The following TMEM230 variants were observed in gnomAD, a reference collection of about 807,000 sequenced individuals.
TMEM230 encodes the protein UPF0414 transmembrane protein C20orf30.
Under a neutral mutation model 15.8 loss-of-function variants are expected in TMEM230, and 10 were observed. The observed-to-expected ratio is 0.63, with a 90% confidence interval of 0.39 to 1.07. The LOEUF (loss-of-function observed/expected upper bound fraction) is 1.07, where lower values mean the gene tolerates loss of function less well. Among genes scored for constraint, TMEM230 ranks in the 50% least tolerant of loss-of-function variants. The pLI is 0.01. For missense variants in TMEM230, 165 were observed against 193.3 expected (o/e 0.85, Z 0.87); for synonymous variants, 67 against 76.9 (o/e 0.87, Z 0.68).
intron 4 of TMEM230, among the ~76,000 whole-genome samples, chr20:5,103,812 G>GT (rs2089967422): frequency 2.0e-5 from 3 of 152,220 alleles, no homozygotes; most frequent in Admixed American, 6.5e-5. Context: ...ACACTTAAAT[G>GT]TAAGACCTAA....
chr20:5,069,018 G>T, exon 4 of TMEM230: 1 of 622,064 alleles, frequency 1.6e-6, no homozygotes, highest in Non-Finnish European at 2.7e-6. Context: ...GAATTCCTTT[G>T]GCCTGCTCCT....
At chr20:5,080,628 G>A (rs1012077461) in intron 3 of TMEM230, among the ~76,000 whole-genome samples, 2 of 151,674 alleles carry the variant, frequency 1.3e-5, no homozygotes, top group South Asian at 2.1e-4. Context: ...GTGCAGTGGC[G>A]CAATCTCGGC....
At chr20:5,077,250 G>C (rs2089033942) in intron 3 of TMEM230, among the ~76,000 whole-genome samples, 1 of 152,028 alleles carries the variant, frequency 6.6e-6, no homozygotes, top group Non-Finnish European at 1.5e-5. Context: ...AGAGGCTGCA[G>C]TGAGCTGAGA....
At chr20:5,076,859 G>C (rs2089018741) in intron 3 of TMEM230, among the ~76,000 whole-genome samples, 1 of 151,212 alleles carries the variant, frequency 6.6e-6, no homozygotes, top group African/African-American at 2.4e-5. Flanking sequence ...TGTATTTTTA[G>C]TACAGACGGG....
At chr20:5,060,010 A>G in the TMEM230 span, among the ~76,000 whole-genome samples, 2 of 152,028 alleles carry the variant, frequency 1.3e-5, no homozygotes, top group Non-Finnish European at 2.9e-5. Context: ...GACCTGAGGT[A>G]ATCCACCCGC....
intron 3 of TMEM230, among the ~76,000 whole-genome samples, chr20:5,084,260 C>G (rs6084991): frequency 0.55 from 81,339 of 148,678 alleles, 22,693 homozygotes; most frequent in East Asian, 0.84. Flanking sequence ...GTCTTGCTCT[C>G]TCACCCAGGC....
chr20:5,061,706 A>C, the TMEM230 span, among the ~76,000 whole-genome samples: 1 of 152,184 alleles, frequency 6.6e-6, no homozygotes. Flanking sequence ...TGGATTGGGG[A>C]ATCATGATAC....
Position 5,070,157 on chromosome 20 carries a change from C to T in TMEM230, c.223-808G>A, listed in dbSNP as rs530179674. ...GCTCTCGAGACACTCCTTCTCAGACCCCAGCCCCCATGCTAAGTGGACTCC... is the reference window on the plus strand; with the variant it reads ...GCTCTCGAGACACTCCTTCTCAGACTCCAGCCCCCATGCTAAGTGGACTCC... On this transcript the variant is annotated intron_variant, in intron 3 of 3. Coordinates refer to the TMEM230 transcript ENST00000612323. Among the ~76,000 whole-genome samples, 7 of 152,174 alleles carry T rather than the reference C, an allele frequency of 4.6e-5. No individual in the cohort carries two copies. The East Asian group carries it at 1.3e-3, about 29-fold the overall frequency.
intron 4 of TMEM230, 90 bp from the exon 4 acceptor site, chr20:5,101,021 T>A (rs2089838187): frequency 6.8e-7 from 1 of 1,468,364 alleles, no homozygotes; most frequent in Non-Finnish European, 9.1e-7. Flanking sequence ...AGATCAGTAT[T>A]TTATACTCTT....
At chr20:5,107,130 C>T (rs1398727920) in intron 3 of TMEM230, among the ~76,000 whole-genome samples, 1 of 152,082 alleles carries the variant, frequency 6.6e-6, no homozygotes, top group Admixed American at 6.5e-5. Context: ...GGTGAAACCT[C>T]GTCTCTACAA....
intron 3 of TMEM230, among the ~76,000 whole-genome samples, chr20:5,077,202 G>A (rs1360341316): frequency 6.6e-6 from 1 of 152,032 alleles, no homozygotes; most frequent in Non-Finnish European, 1.5e-5. Flanking sequence ...AGCTACTCGG[G>A]AAACTGAGGT....
intron 3 of TMEM230, among the ~76,000 whole-genome samples, chr20:5,086,123 G>A (rs994416069): frequency 3.9e-5 from 6 of 152,026 alleles, no homozygotes; most frequent in African/African-American, 1.4e-4. Flanking sequence ...AGCTGGGTGC[G>A]GTGGCTCGTG....
chr20:5,107,159 G>A (rs995566947), intron 3 of TMEM230, among the ~76,000 whole-genome samples: 3 of 152,160 alleles, frequency 2.0e-5, no homozygotes, highest in East Asian at 1.9e-4. Context: ...AAAATTAGCC[G>A]GGCGTGGTGG....
At chr20:5,071,270 G>A (rs1363011076) in intron 3 of TMEM230, among the ~76,000 whole-genome samples, 1 of 152,140 alleles carries the variant, frequency 6.6e-6, no homozygotes, top group Non-Finnish European at 1.5e-5. Flanking sequence ...TGCAGAACTG[G>A]GAATGGACGT....
chr20:5,099,236 C>A (rs2093142), downstream of TMEM230, among the ~76,000 whole-genome samples: 9,486 of 75,500 alleles, frequency 0.13, 379 homozygotes, highest in African/African-American at 0.26. Context: ...ATAAATAAAT[C>A]AATCAATCAA....
chr20:5,101,039 TTTTC>T (rs2089839660), intron 4 of TMEM230, 108 bp from the exon 4 acceptor site: 1 of 1,337,792 alleles, frequency 7.5e-7, no homozygotes, highest in African/African-American at 1.5e-5. Flanking sequence ...CTTCAGTACT[TTTTC>T]TTTGAGTTGT....
At chr20:5,078,888 C>G (rs758907531) in intron 3 of TMEM230, among the ~76,000 whole-genome samples, 9 of 152,048 alleles carry the variant, frequency 5.9e-5, no homozygotes, top group Non-Finnish European at 7.4e-5. Flanking sequence ...CTCCTGGCCT[C>G]GAGCAATCCT....
rs1002308866 is a variant in TMEM230 at position 5,100,508 on chromosome 20, G to T, written c.*283C>A. 8 of 1,152,018 alleles carry T rather than the reference G, an allele frequency of 6.9e-6. No individual in the cohort carries two copies. In the African/African-American group the frequency reaches 9.6e-5, roughly 14 times the overall value. The allele number at this position is 1,152,018 out of a possible 1,614,324, so 71.4% of individuals were successfully genotyped here. On this transcript the variant is annotated 3_prime_UTR_variant, in exon 5 of 5. Coordinates refer to ENST00000342308, the MANE Select transcript of TMEM230 (RefSeq NM_001009923.2). Reference sequence around the variant, plus strand: ...GAAATGCTCAGCTCTACAGAGGGTGGTGGCAGGCAACACTTTTCCATTACA... The same window carrying T: ...GAAATGCTCAGCTCTACAGAGGGTGTTGGCAGGCAACACTTTTCCATTACA...
chr20:5,102,566 C>T (rs1395621239), intron 4 of TMEM230, among the ~76,000 whole-genome samples: 2 of 151,836 alleles, frequency 1.3e-5, no homozygotes, highest in East Asian at 1.9e-4. Flanking sequence ...TGGTATATGC[C>T]TGTGGTCCCA....
Sources: gnomAD v4.1 joint callset for allele counts (sites outside exome capture counted in the v4.1 genomes callset) on GRCh38, gnomAD v4.1.1 for gene constraint, MANE v1.5 for transcripts, NCBI Gene and HGNC (gene_info 2026-07-23, HGNC 2026-07-21) for gene names.